The following TSPAN11 variants were observed in gnomAD, a reference collection of about 807,000 sequenced individuals.
TSPAN11 encodes the protein tetraspanin-11.
Under a neutral mutation model 32.9 loss-of-function variants are expected in TSPAN11, and 29 were observed. The ratio of observed to expected loss-of-function variants is 0.88; its 90% CI spans 0.66 to 1.20. The LOEUF is 1.20. Among genes scored for constraint, TSPAN11 ranks in the 50% most tolerant of loss-of-function variants. The probability of loss-of-function intolerance (pLI) is 0.00; values close to 1 mark genes in which losing one functional copy is unlikely to be tolerated. For missense variants in TSPAN11, 283 were observed against 329.1 expected (o/e 0.86, Z 1.08); for synonymous variants, 140 against 141.3 (o/e 0.99, Z 0.07).
In TSPAN11 at chr12:30,929,249, G is replaced by A. The variant is rs147557435; in HGVS notation, c.-12+2453G>A. Among the ~76,000 whole-genome samples, 68 of 152,264 alleles carry A rather than the reference G, an allele frequency of 4.5e-4. 1 individual carries two copies. Among genetic ancestry groups the A allele is most frequent in the African/African-American group, 1.6e-3 (66 of 41,552 alleles). On this transcript the variant is annotated intron_variant, in intron 1 of 7. Transcript: ENST00000546076. ...AACTCCAAGTAGAAATAATAGTACC[G>A]CAACTGGAAGAAATCCGCACTTGAC...
chr12:30,938,044 G>A (rs1011588917), intron 1 of TSPAN11, among the ~76,000 whole-genome samples: 2 of 152,184 alleles, frequency 1.3e-5, no homozygotes, highest in South Asian at 2.1e-4. Flanking sequence ...AGAAGGGTTG[G>A]GGAATGCAGT....
chr12:30,951,746 C>T (rs1455061110), intron 1 of TSPAN11, among the ~76,000 whole-genome samples: 1 of 152,174 alleles, frequency 6.6e-6, no homozygotes, highest in African/African-American at 2.4e-5. Flanking sequence ...CTTTCAGATC[C>T]AGTCATCTGG....
chr12:30,959,918 G>A (rs1457324363), intron 2 of TSPAN11, among the ~76,000 whole-genome samples: 4 of 149,840 alleles, frequency 2.7e-5, no homozygotes, highest in Admixed American at 2.6e-4. Context: ...TGGGGCATGG[G>A]AGCTGGTGGG....
rs1938667517 is a variant in TSPAN11 at position 30,963,861 on chromosome 12, G to T, written c.120G>T (p.Trp40Cys). 6.2e-7 allele frequency: 1 copy of T among 1,611,694 alleles called. No individual in the cohort carries two copies. Among genetic ancestry groups the T allele is most frequent in the Non-Finnish European group, 8.5e-7 (1 of 1,180,020 alleles). ...GGAAVLAVGI[W>C]TLVEKSGYLS... ...CAGCCGTCCTGGCTGTGGGCATCTG[G>T]ACCCTGGTGGAGAAGAGTGGCTACC... Residue 40 changes from tryptophan (W) to cysteine (C), a missense_variant, in exon 3 of 8, where the codon TGG (tryptophan) becomes TGT (cysteine). Physicochemically the swap from Trp to Cys is radical, Grantham distance 215. Coordinates refer to ENST00000546076, the MANE Select transcript of TSPAN11 (RefSeq NM_001370302.1).
intron 1 of TSPAN11, among the ~76,000 whole-genome samples, chr12:30,949,267 T>A (rs147331562): frequency 0.032 from 4,827 of 152,260 alleles, 239 homozygotes; most frequent in African/African-American, 0.11. Context: ...GCTTTCACAT[T>A]TTCTGGTATC....
chr12:30,970,460 T>G (rs1047990360), intron 3 of TSPAN11, among the ~76,000 whole-genome samples: 1 of 152,190 alleles, frequency 6.6e-6, no homozygotes, highest in Non-Finnish European at 1.5e-5. Flanking sequence ...GGCTGGGACA[T>G]TGAAGGGCCT....
chr12:30,939,698 G>A (rs1399015724), intron 1 of TSPAN11, among the ~76,000 whole-genome samples: 2 of 152,110 alleles, frequency 1.3e-5, no homozygotes, highest in African/African-American at 2.4e-5. Context: ...TTAAGGGCTG[G>A]AGCAAAGGCA....
intron 1 of TSPAN11, among the ~76,000 whole-genome samples, chr12:30,929,493 C>A (rs567114956): frequency 6.6e-6 from 1 of 152,138 alleles, no homozygotes; most frequent in Non-Finnish European, 1.5e-5. Flanking sequence ...AGGCACCAGA[C>A]GGAGGACACG....
chr12:30,998,101 C>CGTGT (rs139722245), downstream of TSPAN11, among the ~76,000 whole-genome samples: 6 of 152,232 alleles, frequency 3.9e-5, no homozygotes, highest in South Asian at 1.2e-3. Flanking sequence ...TGAGTGTGTG[C>CGTGT]GTGTGTGTGT....
intron 1 of TSPAN11, among the ~76,000 whole-genome samples, chr12:30,952,515 A>G (rs1938401911): frequency 6.6e-6 from 1 of 152,212 alleles, no homozygotes; most frequent in African/African-American, 2.4e-5. Flanking sequence ...ACGTCTGCAA[A>G]TAGAAATCAC....
At chr12:30,950,387 T>C (rs928947531) in intron 1 of TSPAN11, among the ~76,000 whole-genome samples, 1 of 152,320 alleles carries the variant, frequency 6.6e-6, no homozygotes, top group East Asian at 1.9e-4. Flanking sequence ...CAACATAGAT[T>C]GACAATAGTA....
At chr12:30,996,688 A>C (rs1939423457), downstream of TSPAN11, 1 of 152,100 alleles carries the variant, frequency 6.6e-6, no homozygotes, top group Admixed American at 6.5e-5. Flanking sequence ...CTACATCGTG[A>C]AGCTGCTGTG....
chr12:30,961,105 G>A (rs1211347894), intron 2 of TSPAN11, among the ~76,000 whole-genome samples: 1 of 151,656 alleles, frequency 6.6e-6, no homozygotes, highest in African/African-American at 2.4e-5. Flanking sequence ...GCCAAATACT[G>A]TTGAATCAAC....
intron 1 of TSPAN11, among the ~76,000 whole-genome samples, chr12:30,939,393 T>G (rs917354935): frequency 2.6e-5 from 4 of 152,140 alleles, no homozygotes; most frequent in African/African-American, 9.7e-5. Context: ...GAGGTGCCAG[T>G]GGCCAGAGGT....
chr12:30,991,477 G>A (rs543448509), intron 7 of TSPAN11, among the ~76,000 whole-genome samples: 1 of 152,332 alleles, frequency 6.6e-6, no homozygotes, highest in South Asian at 2.1e-4. Flanking sequence ...CATCTCTGGA[G>A]AAGATCTAGG....
At chr12:30,984,551 G>GTT (rs1939161653) in intron 7 of TSPAN11, among the ~76,000 whole-genome samples, 2 of 99,528 alleles carry the variant, frequency 2.0e-5, no homozygotes, top group Non-Finnish European at 3.9e-5. Context: ...TTCGCTTTTT[G>GTT]CTTTTTTTTT....
chr12:30,930,079 T>A (rs966801040), intron 1 of TSPAN11, among the ~76,000 whole-genome samples: 1 of 152,184 alleles, frequency 6.6e-6, no homozygotes, highest in Non-Finnish European at 1.5e-5. Context: ...GTTCATTCCA[T>A]TGATACTGCC....
chr12:30,939,697 G>T (rs1270214435), intron 1 of TSPAN11, among the ~76,000 whole-genome samples: 1 of 152,222 alleles, frequency 6.6e-6, no homozygotes, highest in African/African-American at 2.4e-5. Context: ...TTTAAGGGCT[G>T]GAGCAAAGGC....
downstream of TSPAN11, among the ~76,000 whole-genome samples, chr12:30,998,590 G>A (rs1373488446): frequency 6.6e-6 from 1 of 152,226 alleles, no homozygotes; most frequent in East Asian, 1.9e-4. Context: ...ATCCTGCCGG[G>A]CACCTGGTGG....
Sources: allele counts gnomAD v4.1 joint callset (sites outside exome capture counted in the v4.1 genomes callset), GRCh38; gene constraint gnomAD v4.1.1; transcripts MANE v1.5; gene names NCBI Gene and HGNC (gene_info 2026-07-23, HGNC 2026-07-21).